MCU: variants seen among roughly 807,000 people sequenced by gnomAD.
The protein encoded by MCU is mitochondrial calcium uniporter.
Under a neutral mutation model 45.2 loss-of-function variants are expected in MCU, and 12 were observed. That is an observed-to-expected ratio of 0.27 (90% CI 0.17 to 0.43). The LOEUF (loss-of-function observed/expected upper bound fraction) is 0.43, where lower values mean the gene tolerates loss of function less well. MCU is among the 20% of genes least tolerant of loss of function. The pLI, the probability that MCU is intolerant of heterozygous loss-of-function variation, is 1.00. For synonymous variants in MCU, 160 were observed against 165.1 expected, an observed-to-expected ratio of 0.97 and a Z score of 0.24; for missense variants, 324 against 436.7, an observed-to-expected ratio of 0.74 and a Z score of 2.30.
At chr10:72,882,206 A>T (rs1206926335) in intron 6 of MCU, among the ~76,000 whole-genome samples, 3 of 152,312 alleles carry the variant, frequency 2.0e-5, no homozygotes, top group East Asian at 1.9e-4. Context: ...CTGAGGAGGA[A>T]GTATGTCACC....
chr10:72,750,272 G>A (rs1053825043), intron 1 of MCU, among the ~76,000 whole-genome samples: 5 of 152,072 alleles, frequency 3.3e-5, no homozygotes, highest in African/African-American at 1.2e-4. Flanking sequence ...TTTAACAGAC[G>A]AACAGTTTCT....
intron 1 of MCU, among the ~76,000 whole-genome samples, chr10:72,822,354 A>G (rs552615045): frequency 9.2e-5 from 14 of 152,342 alleles, no homozygotes; most frequent in African/African-American, 3.4e-4. Flanking sequence ...ACAACAAAAA[A>G]AGGCAATGCC....
At chr10:72,781,998 G>A (rs1844001861) in intron 1 of MCU, among the ~76,000 whole-genome samples, 1 of 152,112 alleles carries the variant, frequency 6.6e-6, no homozygotes, top group African/African-American at 2.4e-5. Context: ...AGAAACCAAT[G>A]AATGCTACCA....
At chr10:72,859,475 T>C in intron 3 of MCU, 128 bp downstream of exon 3, 2 of 781,792 alleles carry the variant, frequency 2.6e-6, no homozygotes, top group South Asian at 2.3e-5. Context: ...AAAACTTTTT[T>C]CTTTTGCTTA....
intron 4 of MCU, 84 bp downstream of exon 4, chr10:72,860,611 G>A (rs1845361757): frequency 1.9e-6 from 2 of 1,042,226 alleles, no homozygotes; most frequent in Admixed American, 3.8e-5. Context: ...GGGTAACCTT[G>A]AGAAACAGAC....
In MCU at chr10:72,804,017, AAT is replaced by A. The variant is rs35518652; in HGVS notation, c.151-30286_151-30285del. On this transcript the variant is annotated intron_variant, in intron 1 of 7. Transcript: ENST00000373053. ...TCTCTTTGTTTTTGGAATGTAAGTA[AAT>A]ATATATATATATATATATATATATA... Among the ~76,000 whole-genome samples, 98 of 34,762 alleles carry A rather than the reference AAT, an allele frequency of 2.8e-3. 2 individuals carry two copies. The highest frequency in any genetic ancestry group is 4.8e-3 in the Admixed American group (9 of 1,874). The allele number at this position is 34,762 out of a possible 152,430, so 22.8% of individuals were successfully genotyped here. A position where few individuals can be genotyped will look rare whatever the true frequency, so the allele number is the denominator to read the frequency against.
chr10:72,882,014 G>T (rs1432306330), intron 6 of MCU, among the ~76,000 whole-genome samples: 1 of 152,226 alleles, frequency 6.6e-6, no homozygotes, highest in Non-Finnish European at 1.5e-5. Context: ...AACGTGGATT[G>T]TGAAGATTTC....
chr10:72,787,977 A>G (rs1374631814), intron 1 of MCU, among the ~76,000 whole-genome samples: 1 of 152,058 alleles, frequency 6.6e-6, no homozygotes, highest in East Asian at 1.9e-4. Flanking sequence ...TCGGCCTCCC[A>G]AAGTGCTGGG....
At chr10:72,777,119 A>G (rs750697621) in intron 1 of MCU, among the ~76,000 whole-genome samples, 3 of 152,202 alleles carry the variant, frequency 2.0e-5, no homozygotes, top group Admixed American at 1.3e-4. Flanking sequence ...TTCAAATGAC[A>G]GTACTACTTG....
At chr10:72,711,193 A>G (rs571270419) in intron 1 of MCU, among the ~76,000 whole-genome samples, 13 of 147,632 alleles carry the variant, frequency 8.8e-5, no homozygotes, top group South Asian at 2.1e-4. Context: ...AAAAAAAAGT[A>G]TTACACTGTA....
intron 1 of MCU, among the ~76,000 whole-genome samples, chr10:72,745,887 T>G (rs978950017): frequency 6.6e-6 from 1 of 152,184 alleles, no homozygotes; most frequent in African/African-American, 2.4e-5. Flanking sequence ...TTTAATAATT[T>G]TGACGTGTAT....
At chr10:72,793,242 AC>A (rs978521585) in intron 1 of MCU, among the ~76,000 whole-genome samples, 13 of 152,190 alleles carry the variant, frequency 8.5e-5, no homozygotes, top group African/African-American at 3.1e-4. Context: ...CAGCATTGTC[AC>A]CAAGGTGAGG....
intron 1 of MCU, among the ~76,000 whole-genome samples, chr10:72,761,230 AT>A (rs1332726226): frequency 1.3e-5 from 2 of 152,230 alleles, no homozygotes; most frequent in Non-Finnish European, 2.9e-5. Flanking sequence ...AATGCTAACC[AT>A]TAGTAATGAG....
intron 1 of MCU, among the ~76,000 whole-genome samples, chr10:72,774,044 TATAAC>T (rs1401720301): frequency 1.2e-4 from 18 of 152,150 alleles, no homozygotes; most frequent in African/African-American, 4.1e-4. Context: ...CTTTTCAACA[TATAAC>T]ATAAACTTTT....
intron 1 of MCU, among the ~76,000 whole-genome samples, chr10:72,763,853 T>C (rs887190982): frequency 5.3e-5 from 8 of 152,100 alleles, no homozygotes; most frequent in Non-Finnish European, 7.4e-5. Context: ...CCATCAGAGA[T>C]AGGAAAATAC....
chr10:72,883,122 C>T (rs571707437), intron 6 of MCU, among the ~76,000 whole-genome samples: 4 of 152,230 alleles, frequency 2.6e-5, no homozygotes, highest in African/African-American at 7.2e-5. Flanking sequence ...AAGCCAGACA[C>T]AAAAGGCCAC....
chr10:72,861,397 C>T (rs1253321549), intron 4 of MCU, among the ~76,000 whole-genome samples: 2 of 151,612 alleles, frequency 1.3e-5, no homozygotes, highest in African/African-American at 4.8e-5. Context: ...CCAAAAAACT[C>T]GGTAATCAAG....
chr10:72,747,444 C>G (rs1843430413), intron 1 of MCU, among the ~76,000 whole-genome samples: 1 of 152,116 alleles, frequency 6.6e-6, no homozygotes, highest in African/African-American at 2.4e-5. Context: ...AAGGACTGTT[C>G]TTGTTACAGA....
intron 7 of MCU, among the ~76,000 whole-genome samples, chr10:72,885,145 T>C (rs868110974): frequency 6.6e-6 from 1 of 152,192 alleles, no homozygotes; most frequent in South Asian, 2.1e-4. Context: ...CTTCCTTTGC[T>C]ATGTATGGTG....
Sources: allele counts gnomAD v4.1 joint callset (sites outside exome capture counted in the v4.1 genomes callset), GRCh38; gene constraint gnomAD v4.1.1; transcripts MANE v1.5; gene names NCBI Gene and HGNC (gene_info 2026-07-23, HGNC 2026-07-21).